The following FAM168A variants were observed in gnomAD, a reference collection of about 807,000 sequenced individuals.
The protein encoded by FAM168A is protein FAM168A.
FAM168A carries 3 observed loss-of-function variants against 28.5 expected under a neutral mutation model. The observed-to-expected ratio is 0.11, with a 90% CI of 0.05 to 0.27. The LOEUF (loss-of-function observed/expected upper bound fraction) is 0.27. Among genes scored for constraint, FAM168A ranks in the 10% least tolerant of loss-of-function variants. The pLI is 1.00. For missense variants in FAM168A, 222 were observed against 311.5 expected (o/e 0.71, Z 2.16); for synonymous variants, 122 against 124.2 (o/e 0.98, Z 0.12).
chr11:73,554,692 A>T (rs771210725), intron 1 of FAM168A, among the ~76,000 whole-genome samples: 4 of 152,222 alleles, frequency 2.6e-5, no homozygotes, highest in Admixed American at 6.5e-5. Context: ...TTAGAGGCAT[A>T]TTATTTTTAC....
intron 4 of FAM168A, among the ~76,000 whole-genome samples, chr11:73,412,554 A>C (rs191141431): frequency 1.1e-4 from 17 of 152,358 alleles, no homozygotes; most frequent in African/African-American, 3.8e-4. Context: ...TTAGAATCAC[A>C]AAATGGAATC....
At chr11:73,555,612 G>A (rs1407274897) in intron 1 of FAM168A, among the ~76,000 whole-genome samples, 2 of 151,920 alleles carry the variant, frequency 1.3e-5, no homozygotes, top group Non-Finnish European at 2.9e-5. Context: ...GATGGTTGAG[G>A]CAGAAGAATT....
intron 6 of FAM168A, 106 bp downstream of exon 6, chr11:73,409,381 C>G: frequency 7.0e-7 from 1 of 1,436,716 alleles, no homozygotes; most frequent in African/African-American, 1.4e-5. Context: ...CCCCCTGGCA[C>G]AGGATCTCTT....
At chr11:73,533,642 T>C (rs1263225152) in intron 1 of FAM168A, among the ~76,000 whole-genome samples, 2 of 152,216 alleles carry the variant, frequency 1.3e-5, no homozygotes, top group African/African-American at 4.8e-5. Flanking sequence ...TTTAGCTTTT[T>C]TGTTTTAAAG....
At chr11:73,518,543 G>A (rs978443118) in intron 1 of FAM168A, among the ~76,000 whole-genome samples, 8 of 151,778 alleles carry the variant, frequency 5.3e-5, no homozygotes, top group African/African-American at 1.7e-4. Flanking sequence ...TGGGGAGGGG[G>A]CGTGGAATTG....
chr11:73,481,587 C>T (rs1867968106), intron 1 of FAM168A, among the ~76,000 whole-genome samples: 1 of 152,290 alleles, frequency 6.6e-6, no homozygotes, highest in Admixed American at 6.5e-5. Flanking sequence ...TTAACGGTTA[C>T]TTACAAGAGG....
At chr11:73,476,564 C>T (rs547670178) in intron 1 of FAM168A, among the ~76,000 whole-genome samples, 1 of 151,874 alleles carries the variant, frequency 6.6e-6, no homozygotes, top group South Asian at 2.1e-4. Context: ...CGCAAAGAAA[C>T]AATAAAGTAT....
intron 2 of FAM168A, among the ~76,000 whole-genome samples, chr11:73,457,205 G>C (rs1014111184): frequency 6.6e-6 from 1 of 150,918 alleles, no homozygotes; most frequent in Admixed American, 6.6e-5. Flanking sequence ...CTAGGTAACA[G>C]AGAGAGATCC....
At chr11:73,589,348 A>G (rs543702294) in intron 1 of FAM168A, among the ~76,000 whole-genome samples, 2 of 152,338 alleles carry the variant, frequency 1.3e-5, no homozygotes, top group African/African-American at 4.8e-5. Flanking sequence ...CAGACTGTAC[A>G]AGGCAATGAA....
intron 1 of FAM168A, among the ~76,000 whole-genome samples, chr11:73,484,687 G>GATATATAGATATAGATATAT (rs1868026830): frequency 1.6e-5 from 2 of 125,038 alleles, no homozygotes; most frequent in African/African-American, 5.7e-5. Flanking sequence ...TATCGCTATA[G>GATATATAGATATAGATATAT]ATATATAGAT....
chr11:73,520,540 T>C (rs539531993), intron 1 of FAM168A, among the ~76,000 whole-genome samples: 11 of 152,252 alleles, frequency 7.2e-5, no homozygotes, highest in Admixed American at 3.3e-4. Context: ...TTAACCTCTT[T>C]AGAATTTCAG....
intron 1 of FAM168A, among the ~76,000 whole-genome samples, chr11:73,497,746 C>T (rs1854922275): frequency 6.6e-6 from 1 of 151,762 alleles, no homozygotes; most frequent in African/African-American, 2.4e-5. Context: ...ACACTGGGGC[C>T]TGTCGTTGGG....
At chr11:73,591,659 G>A (rs1240810937) in intron 1 of FAM168A, among the ~76,000 whole-genome samples, 1 of 152,120 alleles carries the variant, frequency 6.6e-6, no homozygotes, top group African/African-American at 2.4e-5. Context: ...AGAGGTGCAC[G>A]CCACCACATC....
chr11:73,429,538 A>G (rs749408603), intron 3 of FAM168A, among the ~76,000 whole-genome samples: 4 of 152,140 alleles, frequency 2.6e-5, no homozygotes, highest in Admixed American at 1.3e-4. Flanking sequence ...CCCTACTTCT[A>G]CGTTCCTCAC....
At chr11:73,489,769 G>A (rs187073574) in intron 1 of FAM168A, among the ~76,000 whole-genome samples, 97 of 152,184 alleles carry the variant, frequency 6.4e-4, no homozygotes, top group African/African-American at 2.3e-3. Context: ...CCTCAGCTTC[G>A]CAAAGTGTTG....
intron 1 of FAM168A, among the ~76,000 whole-genome samples, chr11:73,535,787 C>T (rs1401684600): frequency 6.7e-6 from 1 of 148,524 alleles, no homozygotes; most frequent in African/African-American, 2.5e-5. Context: ...TCTCAAACTC[C>T]TGGGCTGAAG....
chr11:73,531,969 T>C (rs911696803), intron 1 of FAM168A, among the ~76,000 whole-genome samples: 22 of 145,278 alleles, frequency 1.5e-4, no homozygotes, highest in Non-Finnish European at 3.0e-4. Context: ...CATGCCTGGC[T>C]AATTTTTTTT....
At chr11:73,498,586 A>T (rs1854941254) in intron 1 of FAM168A, among the ~76,000 whole-genome samples, 1 of 152,182 alleles carries the variant, frequency 6.6e-6, no homozygotes, top group African/African-American at 2.4e-5. Flanking sequence ...AGCAACCAGC[A>T]TTGGAACTCG....
intron 1 of FAM168A, among the ~76,000 whole-genome samples, chr11:73,596,516 TAAAAC>T (rs1565313405): frequency 6.6e-6 from 1 of 151,990 alleles, no homozygotes; most frequent in African/African-American, 2.4e-5. Context: ...CTAATATAAA[TAAAAC>T]AAACAAAAAC....
Sources: allele counts gnomAD v4.1 joint callset (sites outside exome capture counted in the v4.1 genomes callset), GRCh38; gene constraint gnomAD v4.1.1; transcripts MANE v1.5; gene names NCBI Gene and HGNC (gene_info 2026-07-23, HGNC 2026-07-21).